UBAP2: variants seen among roughly 807,000 people sequenced by gnomAD.
The protein encoded by UBAP2 is ubiquitin associated protein 2, also known as ubiquitin-associated protein 2.
Under a neutral mutation model 139.6 loss-of-function variants are expected in UBAP2, and 75 were observed. The observed-to-expected ratio is 0.54, with a 90% CI of 0.45 to 0.65. The LOEUF is 0.65. Among genes scored for constraint, UBAP2 ranks in the 30% least tolerant of loss-of-function variants. The probability of loss-of-function intolerance (pLI) is 0.00; values close to 1 mark genes in which losing one functional copy is unlikely to be tolerated. For missense variants in UBAP2, 1,368 were observed against 1,369.6 expected (o/e 1.00, Z 0.02); for synonymous variants, 526 against 526.2 (o/e 1.00, Z 0.01).
chr9:34,026,082 A>G (rs1261640140), intron 1 of UBAP2, among the ~76,000 whole-genome samples: 1 of 152,206 alleles, frequency 6.6e-6, no homozygotes, highest in Non-Finnish European at 1.5e-5. Context: ...TTTTCTAAAA[A>G]CCATGTATAT....
intron 1 of UBAP2, among the ~76,000 whole-genome samples, chr9:34,017,692 C>A (rs1043099949): frequency 6.6e-6 from 1 of 152,018 alleles, no homozygotes; most frequent in Non-Finnish European, 1.5e-5. Context: ...TTCACGAGGC[C>A]GAGGCAGGCA....
chr9:34,000,138 G>A (rs1422333693), intron 2 of UBAP2, among the ~76,000 whole-genome samples: 2 of 151,748 alleles, frequency 1.3e-5, no homozygotes, highest in Non-Finnish European at 2.9e-5. Context: ...TTTAAAGGTA[G>A]GGTCTCATTC....
chr9:33,984,015 T>A (rs1263186824), intron 6 of UBAP2, among the ~76,000 whole-genome samples: 2 of 152,102 alleles, frequency 1.3e-5, no homozygotes, highest in African/African-American at 4.8e-5. Context: ...CCAGTTCTCG[T>A]GCCTCAGCGT....
chr9:33,926,854 G>C (rs1411071552), intron 21 of UBAP2, 135 bp downstream of exon 21: 1 of 995,644 alleles, frequency 1.0e-6, no homozygotes. Context: ...GGCTCAGTGG[G>C]GCAGAGACGG....
At chr9:34,046,206 G>GC (rs1169110103) in intron 1 of UBAP2, among the ~76,000 whole-genome samples, 1 of 151,724 alleles carries the variant, frequency 6.6e-6, no homozygotes, top group Non-Finnish European at 1.5e-5. Context: ...TTTAGAGCAG[G>GC]CATTAACCCT....
rs745715586 is a variant in UBAP2 at position 33,923,169 on chromosome 9, G to T, written c.3004+17C>A. 14 of 1,614,006 alleles carry T rather than the reference G, an allele frequency of 8.7e-6. No individual in the cohort carries two copies. The South Asian group carries it at 1.5e-4, about 18-fold the overall frequency. ...ACCACTCCAGGCCTTATCCTGGAAA[G>T]GAGAGGTAAACACTACCTTTGCCAG... On this transcript the variant is annotated intron_variant, in intron 26 of 28. Coordinates refer to ENST00000379238, the MANE Select transcript of UBAP2 (RefSeq NM_001370062.2).
At chr9:34,046,881 A>G (rs981336509) in intron 1 of UBAP2, among the ~76,000 whole-genome samples, 5 of 152,094 alleles carry the variant, frequency 3.3e-5, no homozygotes, top group African/African-American at 1.2e-4. Context: ...TAAGAGAGAC[A>G]CTCCTGGTGA....
Position 33,973,242 on chromosome 9 carries a change from A to T in UBAP2, c.521-5T>A, listed in dbSNP as rs768131168. On this transcript the variant is annotated splice_region_variant and splice_polypyrimidine_tract_variant and intron_variant, in intron 6 of 28. Coordinates refer to ENST00000379238, the MANE Select transcript of UBAP2 (RefSeq NM_001370062.2). The stretch of plus-strand genomic sequence containing the variant: ...TCCCTCTGCCACGTCCAAATCCTTT[A>T]AAAAAACACACAATTATAGTATAAA... The T allele has an allele frequency of 4.0e-5, 64 of 1,613,618 alleles. No individual in the cohort carries two copies. The highest frequency in any genetic ancestry group is 5.4e-5 in the Non-Finnish European group (64 of 1,179,654).
chr9:34,047,517 C>T (rs1827712914), intron 1 of UBAP2, among the ~76,000 whole-genome samples: 1 of 152,142 alleles, frequency 6.6e-6, no homozygotes, highest in African/African-American at 2.4e-5. Context: ...GGCACTAAAA[C>T]GGATACACAA....
rs1306296448 is a variant in UBAP2, at chr9:33,953,372, A to G, written c.969T>C (p.Leu323=). Reference sequence around the variant, plus strand: ...TGTTGTGTTGCGAATTTGTGAAGACAAGGGCTTGGCCAAAGCCCTGCTGTT... The same window carrying G: ...TGTTGTGTTGCGAATTTGTGAAGACGAGGGCTTGGCCAAAGCCCTGCTGTT... The part of the protein sequence containing the change: ...TSQQQGFGQA[L]VFTNSQHNNQ... Residue 323 remains leucine (L), a synonymous_variant, in exon 12 of 29, where the codon CTT becomes CTC. Coordinates refer to ENST00000379238, the MANE Select transcript of UBAP2 (RefSeq NM_001370062.2). 3 of 1,614,186 alleles carry G rather than the reference A, an allele frequency of 1.9e-6. No homozygotes were observed. The South Asian group carries it at 3.3e-5, about 18-fold the overall frequency.
intron 11 of UBAP2, among the ~76,000 whole-genome samples, chr9:33,955,834 GAA>G (rs34598165): frequency 2.9e-4 from 22 of 75,048 alleles, no homozygotes; most frequent in African/African-American, 8.7e-4. Flanking sequence ...TCTCAAAATA[GAA>G]AAAAAAAAAA....
At chr9:34,024,357 T>C (rs1433977144) in intron 1 of UBAP2, among the ~76,000 whole-genome samples, 2 of 143,736 alleles carry the variant, frequency 1.4e-5, no homozygotes, top group Non-Finnish European at 3.1e-5. Context: ...AAAAAAAAAA[T>C]AGCAAATACA....
At chr9:33,930,030 T>A (rs1417736760) in intron 19 of UBAP2, among the ~76,000 whole-genome samples, 2 of 151,298 alleles carry the variant, frequency 1.3e-5, no homozygotes, top group Non-Finnish European at 2.9e-5. Context: ...AATAAATAAA[T>A]AAAATAAAAA....
intron 1 of UBAP2, among the ~76,000 whole-genome samples, chr9:34,031,556 C>A (rs1825891055): frequency 6.6e-6 from 1 of 152,012 alleles, no homozygotes. Context: ...ATCCACCCGC[C>A]TCGGCCTCCC....
chr9:33,924,368 G>T, intron 22 of UBAP2, 84 bp from the exon 23 acceptor site: 3 of 1,329,114 alleles, frequency 2.3e-6, no homozygotes, highest in Non-Finnish European at 3.2e-6. Flanking sequence ...AAGTGGTGAC[G>T]CCACACTCCT....
At chr9:34,000,887 G>A (rs1306238782) in intron 2 of UBAP2, among the ~76,000 whole-genome samples, 1 of 152,156 alleles carries the variant, frequency 6.6e-6, no homozygotes, top group Non-Finnish European at 1.5e-5. Flanking sequence ...CTGCAATACT[G>A]CTACATTATA....
intron 1 of UBAP2, among the ~76,000 whole-genome samples, chr9:34,020,884 G>A (rs981247757): frequency 4.6e-5 from 7 of 151,162 alleles, no homozygotes; most frequent in African/African-American, 1.2e-4. Flanking sequence ...GGATGGTCGC[G>A]ATCTCCTGAC....
chr9:34,027,636 T>A (rs1235195985), intron 1 of UBAP2, among the ~76,000 whole-genome samples: 1 of 150,794 alleles, frequency 6.6e-6, no homozygotes, highest in Non-Finnish European at 1.5e-5. Flanking sequence ...GGCAGGCGAG[T>A]CATGAGGTCA....
chr9:33,932,528 TG>T, intron 19 of UBAP2, 33 bp downstream of exon 19: 1 of 1,612,562 alleles, frequency 6.2e-7, no homozygotes, highest in Non-Finnish European at 8.5e-7. Context: ...TCCCCAAGCA[TG>T]GCGGAGGAAG....
Sources: allele counts gnomAD v4.1 joint callset (sites outside exome capture counted in the v4.1 genomes callset), GRCh38; gene constraint gnomAD v4.1.1; transcripts MANE v1.5; gene names NCBI Gene and HGNC (gene_info 2026-07-23, HGNC 2026-07-21).